GNG4: variants seen among roughly 807,000 people sequenced by gnomAD.
The protein encoded by GNG4 is guanine nucleotide-binding protein G(I)/G(S)/G(O) subunit gamma-4.
Under a neutral mutation model 5.8 loss-of-function variants are expected in GNG4, and 4 were observed. The observed-to-expected ratio is 0.69, with a 90% CI of 0.34 to 1.57. The LOEUF (loss-of-function observed/expected upper bound fraction) is 1.57. Among genes scored for constraint, GNG4 ranks in the 40% most tolerant of loss-of-function variants. The probability of loss-of-function intolerance (pLI) is 0.06; values close to 1 mark genes in which losing one functional copy is unlikely to be tolerated. For synonymous variants in GNG4, 29 were observed against 32.9 expected (o/e 0.88, Z 0.41); for missense variants, 96 against 95.1 (o/e 1.01, Z -0.04).
chr1:235,586,421 TCTACACAAA>T (rs1271006038), intron 2 of GNG4, among the ~76,000 whole-genome samples: 1 of 152,318 alleles, frequency 6.6e-6, no homozygotes, highest in East Asian at 1.9e-4. Context: ...TTGCTGTGTG[TCTACACAAA>T]ATGAGGGAGG....
intron 1 of GNG4, among the ~76,000 whole-genome samples, chr1:235,625,501 A>G (rs1234194410): frequency 6.6e-6 from 1 of 152,188 alleles, no homozygotes; most frequent in Admixed American, 6.6e-5. Flanking sequence ...ATGGGCTTTG[A>G]CAGATGTCTA....
chr1:235,584,873 T>G (rs2102942818), intron 2 of GNG4, among the ~76,000 whole-genome samples: 1 of 152,366 alleles, frequency 6.6e-6, no homozygotes, highest in East Asian at 1.9e-4. Flanking sequence ...TATATTTTAT[T>G]TCAGTTTTAG....
chr1:235,585,041 A>G (rs1014984359), intron 2 of GNG4, among the ~76,000 whole-genome samples: 18 of 151,428 alleles, frequency 1.2e-4, no homozygotes, highest in Admixed American at 1.1e-3. Context: ...CCTCCCACCT[A>G]CCTCCTATGG....
intron 3 of GNG4, among the ~76,000 whole-genome samples, chr1:235,576,560 C>T (rs553919466): frequency 6.6e-6 from 1 of 152,224 alleles, no homozygotes; most frequent in South Asian, 2.1e-4. Flanking sequence ...TATACAGGTT[C>T]TATGGTGAAT....
chr1:235,617,889 TA>T (rs34128028), intron 1 of GNG4, among the ~76,000 whole-genome samples: 148 of 109,704 alleles, frequency 1.3e-3, no homozygotes, highest in Middle Eastern at 9.5e-3. Context: ...TGCCTCTATC[TA>T]AAAAAAAAAA....
chr1:235,587,301 T>TGG (rs1687792809), intron 2 of GNG4, among the ~76,000 whole-genome samples: 2 of 42,112 alleles, frequency 4.7e-5, no homozygotes, highest in East Asian at 1.1e-3. Context: ...GGGGTGTGTG[T>TGG]GAGGGTGAGG....
At chr1:235,615,894 C>T in intron 1 of GNG4, 1 of 283,954 alleles carries the variant, frequency 3.5e-6, no homozygotes, top group South Asian at 3.9e-5. Flanking sequence ...TGCAGGCTCC[C>T]CAGAGTGCCT....
rs961250813 is a variant in GNG4, at chr1:235,581,445, C to T, written c.99+2295G>A. 2.6e-5 allele frequency among the ~76,000 whole-genome samples: 4 copies of T among 151,434 alleles called. No individual in the cohort carries two copies. The East Asian group carries it at 5.8e-4, about 22-fold the overall frequency. Reference sequence around the variant, plus strand: ...TCGGGAGGCTGAGGCAGAAGAATGGCGTGAACCCGGGAGGCGGAGCTTGCA... The same window carrying T: ...TCGGGAGGCTGAGGCAGAAGAATGGTGTGAACCCGGGAGGCGGAGCTTGCA... On this transcript the variant is annotated intron_variant, in intron 3 of 3. Coordinates refer to ENST00000391854, the MANE Select transcript of GNG4 (RefSeq NM_001098722.2).
intron 1 of GNG4, among the ~76,000 whole-genome samples, chr1:235,645,527 G>T (rs1180486389): frequency 6.6e-6 from 1 of 152,184 alleles, no homozygotes; most frequent in Admixed American, 6.5e-5. Flanking sequence ...GCTGGGCATG[G>T]TGGCTCACAC....
At chr1:235,587,208 TG>T (rs1308321420) in intron 2 of GNG4, among the ~76,000 whole-genome samples, 1 of 114,626 alleles carries the variant, frequency 8.7e-6, no homozygotes, top group African/African-American at 4.1e-5. Flanking sequence ...AGAAAGTATG[TG>T]TGAGGGTGTG....
intron 1 of GNG4, among the ~76,000 whole-genome samples, chr1:235,637,830 G>A (rs1029838482): frequency 2.0e-5 from 3 of 152,156 alleles, no homozygotes; most frequent in African/African-American, 4.8e-5. Flanking sequence ...GGAGAGAGGC[G>A]GCACAGTCTG....
At chr1:235,587,216 TGTGG>T (rs1216902139) in intron 2 of GNG4, among the ~76,000 whole-genome samples, 2 of 79,028 alleles carry the variant, frequency 2.5e-5, no homozygotes, top group Non-Finnish European at 2.2e-5. Flanking sequence ...TGTGTGAGGG[TGTGG>T]GTGAGTGTGA....
At chr1:235,645,217 G>A (rs1487610520) in intron 1 of GNG4, among the ~76,000 whole-genome samples, 2 of 152,140 alleles carry the variant, frequency 1.3e-5, no homozygotes, top group Admixed American at 6.5e-5. Context: ...GAGCCACAGA[G>A]TCCTGCTGGG....
At chr1:235,553,624 A>G (rs1446272027) in intron 3 of GNG4, among the ~76,000 whole-genome samples, 1 of 152,234 alleles carries the variant, frequency 6.6e-6, no homozygotes, top group Non-Finnish European at 1.5e-5. Flanking sequence ...GCTAGAAATA[A>G]TTCCAGCAGA....
chr1:235,583,870 G>T, intron 2 of GNG4, 22 bp from the exon 3 acceptor site: 6 of 1,472,820 alleles, frequency 4.1e-6, no homozygotes, highest in Non-Finnish European at 5.7e-6. Flanking sequence ...CAAAGTAAAA[G>T]GGTTAGAAGA....
At chr1:235,650,576 C>CA (rs1184317122), upstream of GNG4, 1 of 152,246 alleles carries the variant, frequency 6.6e-6, no homozygotes, top group Non-Finnish European at 1.5e-5. Context: ...GCCGCGTCGC[C>CA]ACTAACCCGG....
At chr1:235,647,354 G>A (rs1657537098) in intron 1 of GNG4, among the ~76,000 whole-genome samples, 1 of 152,020 alleles carries the variant, frequency 6.6e-6, no homozygotes, top group African/African-American at 2.4e-5. Flanking sequence ...AAAATTCCAC[G>A]AAGAAAGGGG....
chr1:235,570,760 A>G (rs562312460), intron 3 of GNG4, among the ~76,000 whole-genome samples: 6 of 151,612 alleles, frequency 4.0e-5, no homozygotes, highest in African/African-American at 1.5e-4. Context: ...CAGCGCCGCA[A>G]TCTCGGCTCT....
chr1:235,604,379 C>G (rs1413361865), intron 1 of GNG4, among the ~76,000 whole-genome samples: 1 of 152,226 alleles, frequency 6.6e-6, no homozygotes, highest in Admixed American at 6.5e-5. Flanking sequence ...GCTGTGGGAA[C>G]AAATTACTAC....
Sources: allele counts gnomAD v4.1 joint callset (sites outside exome capture counted in the v4.1 genomes callset), GRCh38; gene constraint gnomAD v4.1.1; transcripts MANE v1.5; gene names NCBI Gene and HGNC (gene_info 2026-07-23, HGNC 2026-07-21).